Variants in SLC44A1 observed in about 807,000 individuals in gnomAD.
The protein encoded by SLC44A1 is choline transporter-like protein 1.
A neutral mutation model predicts 79.3 loss-of-function variants in SLC44A1; 26 were observed. The observed-to-expected ratio is 0.33, with a 90% CI of 0.24 to 0.46. The LOEUF (loss-of-function observed/expected upper bound fraction) is 0.46. Among genes scored for constraint, SLC44A1 ranks in the 20% least tolerant of loss-of-function variants. The pLI, the probability that SLC44A1 is intolerant of heterozygous loss-of-function variation, is 1.00. For missense variants in SLC44A1, 688 were observed against 798.1 expected, an observed-to-expected ratio of 0.86 and a Z score of 1.66; for synonymous variants, 263 against 286.2, an observed-to-expected ratio of 0.92 and a Z score of 0.82.
chr9:105,399,425 G>T (rs1203092834), downstream of SLC44A1, among the ~76,000 whole-genome samples: 1 of 152,014 alleles, frequency 6.6e-6, no homozygotes, highest in Non-Finnish European at 1.5e-5. Flanking sequence ...ATTTAAGGTT[G>T]GTCAACTCAC....
chr9:105,412,803 C>T (rs1027216019), intron 15 of SLC44A1, among the ~76,000 whole-genome samples: 2 of 151,972 alleles, frequency 1.3e-5, no homozygotes, highest in African/African-American at 2.4e-5. Flanking sequence ...CGGTTTTCAC[C>T]ATGTTGGCCA....
At chr9:105,346,427 A>AT (rs1827248863) in intron 4 of SLC44A1, among the ~76,000 whole-genome samples, 1 of 152,162 alleles carries the variant, frequency 6.6e-6, no homozygotes, top group African/African-American at 2.4e-5. Flanking sequence ...GCCAGCACTG[A>AT]CACAAAGTGC....
At position 105,358,425 on chromosome 9, in the gene SLC44A1, G is replaced by C. The variant is rs773387616; in HGVS notation, c.752G>C (p.Gly251Ala). Residue 251 changes from glycine (G) to alanine (A), a missense_variant, in exon 7 of 16, where the codon GGT becomes GCT. Transcript: ENST00000374720. ...VWILTILVIL[G>A]SLGGTGVLWW... is the part of the protein sequence containing the mutation. ...ATCTTAACGATTCTGGTCATACTCG[G>C]TTCACTTGGTAAGCTATTTATTTCT... 1.3e-6 allele frequency: 2 copies of C among 1,561,304 alleles called. No individual in the cohort carries two copies. Among genetic ancestry groups the C allele is most frequent in the Non-Finnish European group, 1.8e-6 (2 of 1,133,096 alleles).
intron 1 of SLC44A1, among the ~76,000 whole-genome samples, chr9:105,291,847 A>G (rs78167361): frequency 0.022 from 3,413 of 152,300 alleles, 120 homozygotes; most frequent in African/African-American, 0.077. Flanking sequence ...AGTGACCTGT[A>G]AGAACACAAG....
chr9:105,271,636 CAG>C (rs1171268727), intron 1 of SLC44A1, among the ~76,000 whole-genome samples: 1 of 151,952 alleles, frequency 6.6e-6, no homozygotes, highest in Non-Finnish European at 1.5e-5. Flanking sequence ...TTCTTTCAGA[CAG>C]AGTCTCACTC....
chr9:105,361,150 A>T (rs1343323320), intron 7 of SLC44A1, 41 bp from the exon 8 acceptor site: 1 of 1,594,998 alleles, frequency 6.3e-7, no homozygotes, highest in Non-Finnish European at 8.6e-7. Context: ...ACATTTTCTT[A>T]TCCTAATTAT....
At chr9:105,282,746 A>G (rs1050505944) in intron 1 of SLC44A1, among the ~76,000 whole-genome samples, 2 of 151,912 alleles carry the variant, frequency 1.3e-5, no homozygotes, top group Non-Finnish European at 2.9e-5. Context: ...ACGGGGTTTC[A>G]CCATGTTGGC....
intron 3 of SLC44A1, among the ~76,000 whole-genome samples, chr9:105,311,847 A>G (rs1831189562): frequency 6.6e-6 from 1 of 152,204 alleles, no homozygotes; most frequent in African/African-American, 2.4e-5. Flanking sequence ...AGATAAGTCT[A>G]TAATATTTCG....
intron 1 of SLC44A1, among the ~76,000 whole-genome samples, chr9:105,295,200 G>A (rs868131719): frequency 6.6e-6 from 1 of 152,164 alleles, no homozygotes; most frequent in African/African-American, 2.4e-5. Context: ...AATTGTTTTA[G>A]GAATCAAATG....
chr9:105,392,430 T>A lies in SLC44A1; in HGVS notation c.*3374T>A. 12 of 854,684 alleles carry A rather than the reference T, an allele frequency of 1.4e-5. No individual in the cohort carries two copies. The highest frequency in any genetic ancestry group is 7.7e-5 in the African/African-American group (3 of 39,100). The allele number at this position is 854,684 out of a possible 1,614,324, so 52.9% of individuals were successfully genotyped here. On this transcript the variant is annotated 3_prime_UTR_variant, in exon 16 of 16. Coordinates refer to ENST00000374720, the MANE Select transcript of SLC44A1 (RefSeq NM_080546.5). ...TTTTTTTTTTTTTTTTTTTTTTTTT[T>A]CCGTGAGGGCATTAGGCTGCTGATT... is the stretch of plus-strand genomic sequence containing the variant.
intron 1 of SLC44A1, among the ~76,000 whole-genome samples, chr9:105,275,891 G>A (rs1167244185): frequency 4.6e-5 from 7 of 150,732 alleles, no homozygotes; most frequent in African/African-American, 7.3e-5. Context: ...TGCAATCTCC[G>A]CCTCCTGGGT....
At chr9:105,380,435 G>A (rs957129962) in intron 13 of SLC44A1, among the ~76,000 whole-genome samples, 1 of 152,012 alleles carries the variant, frequency 6.6e-6, no homozygotes, top group Non-Finnish European at 1.5e-5. Flanking sequence ...TCCTGCCTCA[G>A]CCTCCTGAGT....
Position 105,390,279 on chromosome 9 carries a change from A to G in SLC44A1, c.*1223A>G, listed in dbSNP as rs1002943287. ...GTAATGGTGAATGCTTTAAGAAAAA[A>G]AAGTGTAATTTGCTAAGAATAATTC... On this transcript the variant is annotated 3_prime_UTR_variant, in exon 16 of 16. Coordinates refer to ENST00000374720, the MANE Select transcript of SLC44A1 (RefSeq NM_080546.5). The G allele has an allele frequency of 2.0e-6, 2 of 1,023,668 alleles. No individual in the cohort carries two copies. The highest frequency in any genetic ancestry group is 3.4e-5 in the African/African-American group (2 of 59,058). 63.4% of individuals were successfully genotyped at this position (1,023,668 alleles called of 1,614,324 possible).
chr9:105,370,471 TTCTCAG>T (rs1828062977), intron 12 of SLC44A1, among the ~76,000 whole-genome samples: 1 of 152,206 alleles, frequency 6.6e-6, no homozygotes. Context: ...TCACAGAAAT[TTCTCAG>T]AGGGGTGGAG....
At chr9:105,335,786 C>A in intron 4 of SLC44A1, 87 bp downstream of exon 4, 2 of 1,228,426 alleles carry the variant, frequency 1.6e-6, no homozygotes, top group South Asian at 1.7e-5. Context: ...AATAAATTAT[C>A]AAGGAACCTT....
At chr9:105,273,187 T>A (rs1400393047) in intron 1 of SLC44A1, among the ~76,000 whole-genome samples, 3 of 152,096 alleles carry the variant, frequency 2.0e-5, no homozygotes, top group Non-Finnish European at 4.4e-5. Context: ...AGACAGGGTT[T>A]TGTCATGTTG....
At chr9:105,335,021 G>A (rs1826867991) in intron 3 of SLC44A1, among the ~76,000 whole-genome samples, 1 of 151,930 alleles carries the variant, frequency 6.6e-6, no homozygotes, top group Admixed American at 6.6e-5. Flanking sequence ...TTGAAATGTT[G>A]GTGTATTTCC....
Position 105,397,303 on chromosome 9 carries a change from G to A in SLC44A1, c.*8247G>A. 1 of 978,894 alleles carries A rather than the reference G, an allele frequency of 1.0e-6. No homozygotes were observed. The highest frequency in any genetic ancestry group is 1.2e-6 in the Non-Finnish European group (1 of 823,992). The allele number at this position is 978,894 out of a possible 1,614,324, so 60.6% of individuals were successfully genotyped here. A position where few individuals can be genotyped will look rare whatever the true frequency, so the allele number is the denominator to read the frequency against. On this transcript the variant is annotated 3_prime_UTR_variant, in exon 16 of 16. Coordinates refer to ENST00000374720, the MANE Select transcript of SLC44A1 (RefSeq NM_080546.5). Reference sequence around the variant, plus strand: ...AAAACTGTATTTTAGTCTAACAAATGTATAGAATTTTTTATGTAATAAATA... The same window carrying A: ...AAAACTGTATTTTAGTCTAACAAATATATAGAATTTTTTATGTAATAAATA...
chr9:105,319,237 T>A (rs2131327866), intron 3 of SLC44A1, among the ~76,000 whole-genome samples: 1 of 152,062 alleles, frequency 6.6e-6, no homozygotes, highest in Middle Eastern at 3.4e-3. Flanking sequence ...CCTGGCAAAT[T>A]ATTTGCCAGG....
Sources: allele counts gnomAD v4.1 joint callset (sites outside exome capture counted in the v4.1 genomes callset), GRCh38; gene constraint gnomAD v4.1.1; transcripts MANE v1.5; gene names NCBI Gene and HGNC (gene_info 2026-07-23, HGNC 2026-07-21).